The following GJA5 variants were observed in gnomAD, a reference collection of about 807,000 sequenced individuals.
The protein encoded by GJA5 is gap junction protein alpha 5, also known as gap junction alpha-5 protein.
GJA5 carries 3 observed loss-of-function variants against 7.9 expected under a neutral mutation model. The ratio of observed to expected loss-of-function variants is 0.38; its 90% CI spans 0.17 to 0.99. The LOEUF is 0.99. Ranked by LOEUF, GJA5 falls within the 50% of genes least tolerant of loss-of-function variation. The pLI, the probability that GJA5 is intolerant of heterozygous loss-of-function variation, is 0.38. For missense variants in GJA5, 390 were observed against 457.9 expected, an observed-to-expected ratio of 0.85 and a Z score of 1.35; for synonymous variants, 193 against 181.0, an observed-to-expected ratio of 1.07 and a Z score of -0.53.
intron 1 of GJA5, among the ~76,000 whole-genome samples, chr1:147,771,998 G>T (rs1327079664): frequency 2.0e-5 from 3 of 152,184 alleles, no homozygotes; most frequent in Non-Finnish European, 4.4e-5. Context: ...GTAAAAGTCA[G>T]GTTAGAAGGC....
At chr1:147,767,459 C>T (rs772174493) in intron 1 of GJA5, among the ~76,000 whole-genome samples, 16 of 151,742 alleles carry the variant, frequency 1.1e-4, no homozygotes, top group Non-Finnish European at 2.2e-4. Flanking sequence ...ACAATCACAG[C>T]TCACTGGAAC....
upstream of GJA5, chr1:147,760,699 T>G (rs1557945157): frequency 1.3e-5 from 2 of 152,368 alleles, no homozygotes; most frequent in African/African-American, 2.4e-5. Context: ...AGAAAACCAA[T>G]TCCCTGTTTC....
In GJA5 at chr1:147,771,692, G is replaced by A. The variant is rs12081756; in HGVS notation, c.-34+1560C>T. Among the ~76,000 whole-genome samples the A allele has an allele frequency of 3.5e-3, 538 of 152,284 alleles. 5 individuals are homozygous for A. Among genetic ancestry groups the A allele is most frequent in the African/African-American group, 0.012 (500 of 41,558 alleles). Reference sequence around the variant, plus strand: ...GTGGCTCTGTGAACGTCACATGTGTGGGTGAAGGATGCTCAGAGAGTGTTG... The same window carrying A: ...GTGGCTCTGTGAACGTCACATGTGTAGGTGAAGGATGCTCAGAGAGTGTTG... On this transcript the variant is annotated intron_variant, in intron 1 of 1. Coordinates refer to the GJA5 transcript ENST00000430508.
chr1:147,768,149 G>A (rs1207871577), intron 1 of GJA5, among the ~76,000 whole-genome samples: 1 of 152,200 alleles, frequency 6.6e-6, no homozygotes, highest in Non-Finnish European at 1.5e-5. Flanking sequence ...AAGGAAGATA[G>A]AGATAAGAGA....
rs781974630 is a variant in GJA5 at position 147,759,038 on chromosome 1, G to A, written c.201C>T (p.Asp67=). 1.2e-6 allele frequency: 2 copies of A among 1,614,016 alleles called. No homozygotes were observed. Among genetic ancestry groups the A allele is most frequent in the Non-Finnish European group, 1.7e-6 (2 of 1,179,988 alleles). The change falls in exon 2 of 2, where the codon GAC becomes GAT. Residue 67 remains aspartate (D), a synonymous_variant. Coordinates refer to ENST00000579774, the MANE Select transcript of GJA5 (RefSeq NM_181703.4). ...GAATGTGGGAGATGGGGAAAGCCTG[G>A]TCGTAGCAGACATTCTGGCAGCCAG... The part of the protein sequence containing the change: ...IQPGCQNVCY[D]QAFPISHIRY...
At chr1:147,764,956 G>A (rs1553227951), upstream of GJA5, among the ~76,000 whole-genome samples, 1 of 151,720 alleles carries the variant, frequency 6.6e-6, no homozygotes, top group Non-Finnish European at 1.5e-5. Context: ...CATTCTTATT[G>A]CATTAGGTTC....
At chr1:147,772,534 A>G (rs1387977285) in intron 1 of GJA5, among the ~76,000 whole-genome samples, 6 of 152,182 alleles carry the variant, frequency 3.9e-5, no homozygotes, top group Non-Finnish European at 7.3e-5. Context: ...CTTTCACTGC[A>G]TGCTCAGAAG....
upstream of GJA5, among the ~76,000 whole-genome samples, chr1:147,764,701 G>A (rs994339492): frequency 2.4e-4 from 36 of 151,872 alleles, no homozygotes; most frequent in African/African-American, 8.7e-4. Flanking sequence ...GTGGGCACCT[G>A]TAATCCCAGC....
At chr1:147,762,991 G>A (rs1464648722), upstream of GJA5, among the ~76,000 whole-genome samples, 5 of 152,178 alleles carry the variant, frequency 3.3e-5, no homozygotes, top group African/African-American at 1.2e-4. Context: ...TATCCTCACT[G>A]GCTTCCTACC....
At chr1:147,762,353 A>C (rs949807867), upstream of GJA5, among the ~76,000 whole-genome samples, 2 of 152,176 alleles carry the variant, frequency 1.3e-5, no homozygotes, top group Admixed American at 1.3e-4. Flanking sequence ...TGATCTTCTC[A>C]CTCTGTCACT....
At position 147,756,721 on chromosome 1, in the gene GJA5, A is replaced by C. The variant is rs1553226472; in HGVS notation, c.*1441T>G. 6.6e-6 allele frequency: 1 copy of C among 152,188 alleles called. No individual in the cohort carries two copies. The highest frequency in any genetic ancestry group is 2.4e-5 in the African/African-American group (1 of 41,428). The allele number at this position is 152,188 out of a possible 1,614,324, so 9.4% of individuals were successfully genotyped here. A position where few individuals can be genotyped will look rare whatever the true frequency, so the allele number is the denominator to read the frequency against. The stretch of plus-strand genomic sequence containing the variant: ...AGCACCCACACACACACACACGTGC[A>C]TTTTAATAATGTAATAATCCCTCTA... On this transcript the variant is annotated 3_prime_UTR_variant, in exon 2 of 2. Transcript: ENST00000579774.
rs200310520 is a variant in GJA5 at position 147,757,829 on chromosome 1, G to C, written c.*333C>G. On this transcript the variant is annotated 3_prime_UTR_variant, in exon 2 of 2. Transcript: ENST00000579774. The stretch of plus-strand genomic sequence containing the variant: ...GGTATGCTGCTGGTATGTAGAGAGA[G>C]AGTCATTCTATCCCTCTGGCTATCC... 51 of 379,766 alleles carry C rather than the reference G, an allele frequency of 1.3e-4. No homozygotes were observed. In the East Asian group the frequency reaches 3.0e-3, roughly 22 times the overall value. The allele number at this position is 379,766 out of a possible 1,614,324, so 23.5% of individuals were successfully genotyped here.
chr1:147,758,096 G>T lies in GJA5; in HGVS notation c.*66C>A. 1 of 1,066,740 alleles carries T rather than the reference G, an allele frequency of 9.4e-7. No homozygotes were observed. 66.1% of individuals were successfully genotyped at this position (1,066,740 alleles called of 1,614,324 possible). A position where few individuals can be genotyped will look rare whatever the true frequency, so the allele number is the denominator to read the frequency against. On this transcript the variant is annotated 3_prime_UTR_variant, in exon 2 of 2. Coordinates refer to ENST00000579774, the MANE Select transcript of GJA5 (RefSeq NM_181703.4). ...CAGTGAGAAAGCATCAGTTCAGAAG[G>T]GACACGTCTTTCCTCTCTGAGCCTC...
intron 1 of GJA5, among the ~76,000 whole-genome samples, chr1:147,770,088 C>T (rs1165801319): frequency 1.3e-5 from 2 of 152,134 alleles, no homozygotes; most frequent in South Asian, 2.1e-4. Context: ...ACATCTTGAT[C>T]CCTAGCCACC....
Position 147,758,594 on chromosome 1 carries a change from A to T in GJA5, c.645T>A (p.Ala215=), listed in dbSNP as rs782670193. The change falls in exon 2 of 2, where the codon GCT becomes GCA. Residue 215 remains alanine (A), a synonymous_variant. Transcript: ENST00000579774. ...CCAGGCTAAGGAGGAGGGACAGTGC[A>T]GCCACAGCCAGCATAAAGACAATGA... ...NVFIVFMLAV[A]ALSLLLSLAE... is the part of the protein sequence containing the mutation. 8 of 1,614,072 alleles carry T rather than the reference A, an allele frequency of 5.0e-6. No homozygotes were observed. In the South Asian group the frequency reaches 7.7e-5, roughly 16 times the overall value.
At chr1:147,765,476 A>T (rs965791383), upstream of GJA5, among the ~76,000 whole-genome samples, 3 of 152,144 alleles carry the variant, frequency 2.0e-5, no homozygotes, top group Non-Finnish European at 4.4e-5. Flanking sequence ...CCCAGTGGAG[A>T]TAACTCTGGT....
chr1:147,772,054 G>T (rs1390052969), intron 1 of GJA5, among the ~76,000 whole-genome samples: 3 of 152,066 alleles, frequency 2.0e-5, no homozygotes, highest in African/African-American at 7.2e-5. Context: ...ACAGCACCAG[G>T]CAGTCAGAGG....
chr1:147,759,290 G>A lies in GJA5; in HGVS notation c.-33-19C>T, dbSNP rs1309222420. The stretch of plus-strand genomic sequence containing the variant: ...AAAACTTCTGCAAATGGGAGAGAGA[G>A]AAAGAGAGAAAAGAAGAAGGATGTT... On this transcript the variant is annotated intron_variant, in intron 1 of 1. Transcript: ENST00000579774. 2.6e-6 allele frequency: 3 copies of A among 1,163,416 alleles called. No individual in the cohort carries two copies. The highest frequency in any genetic ancestry group is 4.7e-5 in the East Asian group (2 of 42,882). The allele number at this position is 1,163,416 out of a possible 1,614,324, so 72.1% of individuals were successfully genotyped here. A position where few individuals can be genotyped will look rare whatever the true frequency, so the allele number is the denominator to read the frequency against.
upstream of GJA5, among the ~76,000 whole-genome samples, chr1:147,761,550 C>G (rs1553227427): frequency 2.0e-5 from 3 of 152,226 alleles, no homozygotes; most frequent in Non-Finnish European, 4.4e-5. Context: ...CTCTGCTCCT[C>G]TCTATATCAA....
Sources: allele counts gnomAD v4.1 joint callset (sites outside exome capture counted in the v4.1 genomes callset), GRCh38; gene constraint gnomAD v4.1.1; transcripts MANE v1.5; gene names NCBI Gene and HGNC (gene_info 2026-07-23, HGNC 2026-07-21).